Variants in TLN1 observed in about 807,000 individuals in gnomAD.
TLN1 encodes the protein talin-1.
A neutral mutation model predicts 292.3 loss-of-function variants in TLN1; 56 were observed. The ratio of observed to expected loss-of-function variants is 0.19; its 90% CI spans 0.15 to 0.24. TLN1 has a LOEUF of 0.24. Ranked by LOEUF, TLN1 falls within the 10% of genes least tolerant of loss-of-function variation. The pLI is 1.00. For missense variants in TLN1, 2,433 were observed against 3,248.2 expected (o/e 0.75, Z 6.10); for synonymous variants, 1,119 against 1,253.7 (o/e 0.89, Z 2.27).
At position 35,719,360 on chromosome 9, in the gene TLN1, C is replaced by A; in HGVS notation, c.1688-78G>T. The A allele has an allele frequency of 2.1e-6, 3 of 1,442,900 alleles. No individual in the cohort carries two copies. Among genetic ancestry groups the A allele is most frequent in the South Asian group, 1.2e-5 (1 of 83,850 alleles). 89.4% of individuals were successfully genotyped at this position (1,442,900 alleles called of 1,614,324 possible). A position where few individuals can be genotyped will look rare whatever the true frequency, so the allele number is the denominator to read the frequency against. ...GGGCTGGGGAGGGAGCAAAGTCACA[C>A]CCAGTTAGTCACACACATGTCCACA... On this transcript the variant is annotated intron_variant, in intron 15 of 56. Transcript: ENST00000314888. This position sits in a 1 kb window ranked among gnomAD's most constrained non-coding sequence, Gnocchi z 4.6.
At position 35,724,818 on chromosome 9, in the gene TLN1, A is replaced by G. The variant is rs1825940414; in HGVS notation, c.358+12T>C. On this transcript the variant is annotated intron_variant, in intron 4 of 56. Transcript: ENST00000314888. This position sits in a 1 kb window ranked among gnomAD's most constrained non-coding sequence, Gnocchi z 4.7. ...TCTGGCCCAGGCTTTCAACTGTACT[A>G]GGGCCCCTTACCAATGCGGGCACAG... 3 of 1,614,162 alleles carry G rather than the reference A, an allele frequency of 1.9e-6. No homozygotes were observed. The highest frequency in any genetic ancestry group is 3.3e-4 in the Middle Eastern group (2 of 6,062).
chr9:35,730,634 C>T (rs932308752), intron 1 of TLN1, among the ~76,000 whole-genome samples: 8 of 151,688 alleles, frequency 5.3e-5, no homozygotes, highest in Admixed American at 1.3e-4. Context: ...GTAGGATGTG[C>T]GGATTAAAGG....
chr9:35,698,178 CAG>C lies in TLN1; in HGVS notation c.7372-8_7372-7del. The C allele has an allele frequency of 6.2e-7, 1 of 1,613,848 alleles. No homozygotes were observed. Among genetic ancestry groups the C allele is most frequent in the East Asian group, 2.2e-5 (1 of 44,888 alleles). On this transcript the variant is annotated splice_region_variant and splice_polypyrimidine_tract_variant and intron_variant, in intron 55 of 56. Transcript: ENST00000314888. This position sits in a 1 kb window ranked among gnomAD's most constrained non-coding sequence, Gnocchi z 5.3. Reference sequence around the variant, plus strand: ...TTCACTGCGTTGCCAGCAGCCTGGGCAGAGAGAAAGTGGCCTAGGTTGAGAAC... The same window carrying C: ...TTCACTGCGTTGCCAGCAGCCTGGGCAGAGAAAGTGGCCTAGGTTGAGAAC...
chr9:35,706,126 G>A lies in TLN1; in HGVS notation c.5362-15C>T. The A allele has an allele frequency of 6.2e-7, 1 of 1,613,886 alleles. No homozygotes were observed. Among genetic ancestry groups the A allele is most frequent in the Non-Finnish European group, 8.5e-7 (1 of 1,179,898 alleles). Reference sequence around the variant, plus strand: ...TGAGCTGCTTGCTGTGGGGAGAGGAGAGGAGCTCTGTTGTTCCTGTTTCTC... The same window carrying A: ...TGAGCTGCTTGCTGTGGGGAGAGGAAAGGAGCTCTGTTGTTCCTGTTTCTC... On this transcript the variant is annotated splice_polypyrimidine_tract_variant and intron_variant, in intron 40 of 56. Transcript: ENST00000314888. This position sits in a 1 kb window ranked among gnomAD's most constrained non-coding sequence, Gnocchi z 4.2.
intron 33 of TLN1, among the ~76,000 whole-genome samples, chr9:35,709,567 G>A (rs1311707420): frequency 4.6e-5 from 7 of 152,330 alleles, no homozygotes; most frequent in African/African-American, 1.7e-4. Context: ...CAAGTAACTG[G>A]AAATTTTGTC....
chr9:35,717,738 G>C lies in TLN1; in HGVS notation c.2044C>G (p.Leu682Val). 6.2e-7 allele frequency: 1 copy of C among 1,612,030 alleles called. No individual in the cohort carries two copies. Among genetic ancestry groups the C allele is most frequent in the Non-Finnish European group, 8.5e-7 (1 of 1,178,468 alleles). ...AKAVASAAAA[L>V]VLKAKSVAQR... ...GCCACACTCTTGGCCTTGAGGACCA[G>C]GGCAGCTGCAGCACTTGCCACAGCT... The change falls in exon 18 of 57, where the codon CTG (leucine) becomes GTG (valine). Residue 682 changes from leucine (L) to valine (V), a missense_variant. Around this residue, in one of 7 missense-constraint regions of TLN1, gnomAD observed 617 missense variants for 770.6 expected, o/e 0.80. Transcript: ENST00000314888. The surrounding 1 kb of genome is among the most constrained non-coding windows in gnomAD (Gnocchi z 4.7).
rs765315589 is a variant in TLN1 at position 35,720,242 on chromosome 9, G to C, written c.1284-23C>G. ...GACCTGTAGAGGGGTGAACTATTGA[G>C]CTCACAGAGGACTCCTCATCTCTAC... On this transcript the variant is annotated intron_variant, in intron 12 of 56. Transcript: ENST00000314888. 1.3e-6 allele frequency: 2 copies of C among 1,558,030 alleles called. No individual in the cohort carries two copies.
Position 35,697,547 on chromosome 9 carries a change from C to T in TLN1, c.*244G>A, listed in dbSNP as rs1221047330. 1 of 557,858 alleles carries T rather than the reference C, an allele frequency of 1.8e-6. No homozygotes were observed. The highest frequency in any genetic ancestry group is 3.1e-6 in the Non-Finnish European group (1 of 319,226). 34.6% of individuals were successfully genotyped at this position (557,858 alleles called of 1,614,324 possible). A position where few individuals can be genotyped will look rare whatever the true frequency, so the allele number is the denominator to read the frequency against. Reference sequence around the variant, plus strand: ...TCGAGGTACAGCAGCGTTAATAATACTCTTGGAGCGTTAATACTCTGGGGA... The same window carrying T: ...TCGAGGTACAGCAGCGTTAATAATATTCTTGGAGCGTTAATACTCTGGGGA... On this transcript the variant is annotated 3_prime_UTR_variant, in exon 57 of 57. Coordinates refer to ENST00000314888, the MANE Select transcript of TLN1 (RefSeq NM_006289.4).
Position 35,699,307 on chromosome 9 carries a change from C to T in TLN1, c.6874+49G>A, listed in dbSNP as rs759541152. ...CTGTCCAGCCAGGAAGCAGAGATCACACCATGATAAGGGTTTTCCATCCGT... is the reference window on the plus strand; with the variant it reads ...CTGTCCAGCCAGGAAGCAGAGATCATACCATGATAAGGGTTTTCCATCCGT... On this transcript the variant is annotated intron_variant, in intron 51 of 56. Transcript: ENST00000314888. The surrounding 1 kb of genome is among the most constrained non-coding windows in gnomAD (Gnocchi z 4.0). 3 of 1,579,942 alleles carry T rather than the reference C, an allele frequency of 1.9e-6. No homozygotes were observed. The highest frequency in any genetic ancestry group is 2.7e-5 in the African/African-American group (2 of 74,322).
chr9:35,723,823 G>A lies in TLN1; in HGVS notation c.782+129C>T, dbSNP rs1051372502. ...TGATGGCAACTAAAAGGGTAGCTAT[G>A]TTGGTCAAACCCTGGTACCTCGGAA... On this transcript the variant is annotated intron_variant, in intron 7 of 56. Coordinates refer to ENST00000314888, the MANE Select transcript of TLN1 (RefSeq NM_006289.4). 1.1e-5 allele frequency: 15 copies of A among 1,407,118 alleles called. No individual in the cohort carries two copies. The Admixed American group carries it at 2.6e-4, about 25-fold the overall frequency. 87.2% of individuals were successfully genotyped at this position (1,407,118 alleles called of 1,614,324 possible).
intron 19 of TLN1, among the ~76,000 whole-genome samples, 163 bp downstream of exon 19, chr9:35,716,983 G>A (rs1386468035): frequency 6.6e-6 from 1 of 152,194 alleles, no homozygotes; most frequent in Non-Finnish European, 1.5e-5. Flanking sequence ...GGAAGCAGAG[G>A]GTTCAGAGAG....
chr9:35,706,412 C>T lies in TLN1; in HGVS notation c.5190+38G>A, dbSNP rs201023237. 17 of 1,613,700 alleles carry T rather than the reference C, an allele frequency of 1.1e-5. No individual in the cohort carries two copies. In the Admixed American group the frequency reaches 2.0e-4, roughly 19 times the overall value. ...AGGGGTCAGGTCCCCTCTCTCTCAC[C>T]CTACTCCCTGGGACTTCCCATGAGT... On this transcript the variant is annotated intron_variant, in intron 39 of 56. Transcript: ENST00000314888. This position sits in a 1 kb window ranked among gnomAD's most constrained non-coding sequence, Gnocchi z 4.2.
In TLN1 at chr9:35,700,044, C is replaced by T. The variant is rs544154004; in HGVS notation, c.6698G>A (p.Arg2233Gln). The T allele has an allele frequency of 2.0e-5, 33 of 1,613,302 alleles. No homozygotes were observed. The highest frequency in any genetic ancestry group is 1.0e-4 in the Admixed American group (6 of 59,938). ...AYHPEVAPDV[R>Q]LRALHYGREC... ...CCGGCCATAGTGCAGGGCTCGAAGCCGCACATCAGGGGCCACTTCTGGGTG... is the reference window on the plus strand; with the variant it reads ...CCGGCCATAGTGCAGGGCTCGAAGCTGCACATCAGGGGCCACTTCTGGGTG... Residue 2233 changes from arginine (R) to glutamine (Q), a missense_variant, in exon 50 of 57, where the codon CGG becomes CAG. Arg to Gln is a conservative substitution (Grantham distance 43). Coordinates refer to ENST00000314888, the MANE Select transcript of TLN1 (RefSeq NM_006289.4).
In TLN1 at chr9:35,697,723, C is replaced by T; in HGVS notation, c.*68G>A. 6.3e-7 allele frequency: 1 copy of T among 1,587,958 alleles called. No homozygotes were observed. Among genetic ancestry groups the T allele is most frequent in the Admixed American group, 1.7e-5 (1 of 58,182 alleles). On this transcript the variant is annotated 3_prime_UTR_variant, in exon 57 of 57. Transcript: ENST00000314888. Reference sequence around the variant, plus strand: ...GGTTGGGCAGGTTGGGCCCCGACAGCCCAGAAGGCTTTGGTAGTGGCACGC... The same window carrying T: ...GGTTGGGCAGGTTGGGCCCCGACAGTCCAGAAGGCTTTGGTAGTGGCACGC...
rs1825937805 is a variant in TLN1, at chr9:35,724,652, G to T, written c.431C>A (p.Thr144Asn). The T allele has an allele frequency of 6.2e-7, 1 of 1,614,028 alleles. No homozygotes were observed. Among genetic ancestry groups the T allele is most frequent in the East Asian group, 2.2e-5 (1 of 44,874 alleles). ...MEEKKEEITG[T>N]LRKDKTLLRD... The stretch of plus-strand genomic sequence containing the variant: ...CAGCAATGTCTTGTCCTTTCTTAAG[G>T]TCCCTGTTATTTCCTCCTTTTTCTC... Residue 144 changes from threonine to asparagine, a missense_variant, in exon 5 of 57, where the codon ACC (threonine) becomes AAC (asparagine). Transcript: ENST00000314888. The surrounding 1 kb of genome is among the most constrained non-coding windows in gnomAD (Gnocchi z 4.7).
Position 35,706,582 on chromosome 9 carries a change from G to C in TLN1, c.5089-31C>G, listed in dbSNP as rs1477814760. The C allele has an allele frequency of 6.2e-7, 1 of 1,609,344 alleles. No individual in the cohort carries two copies. Among genetic ancestry groups the C allele is most frequent in the South Asian group, 1.1e-5 (1 of 90,944 alleles). On this transcript the variant is annotated intron_variant, in intron 38 of 56. Coordinates refer to ENST00000314888, the MANE Select transcript of TLN1 (RefSeq NM_006289.4). This position sits in a 1 kb window ranked among gnomAD's most constrained non-coding sequence, Gnocchi z 4.2. The stretch of plus-strand genomic sequence containing the variant: ...GAGGAAGTGGACATTAGCCCTGATG[G>C]TGACCTGCAATAGGACCCTCTGGCT...
At position 35,714,931 on chromosome 9, in the gene TLN1, T is replaced by C; in HGVS notation, c.2755-55A>G. 1 of 1,604,084 alleles carries C rather than the reference T, an allele frequency of 6.2e-7. No homozygotes were observed. Among genetic ancestry groups the C allele is most frequent in the Non-Finnish European group, 8.5e-7 (1 of 1,174,550 alleles). ...CCATGGATTCCCATGCCCAGCCCAG[T>C]CCCTGGCCTACCTTGCCCAGGTTAT... On this transcript the variant is annotated intron_variant, in intron 21 of 56. Transcript: ENST00000314888. This position sits in a 1 kb window ranked among gnomAD's most constrained non-coding sequence, Gnocchi z 4.6.
In TLN1 at chr9:35,706,353, G is replaced by A. The variant is rs775801466; in HGVS notation, c.5204C>T (p.Ala1735Val). Residue 1735 changes from alanine (A) to valine (V), a missense_variant, in exon 40 of 57, where the codon GCG becomes GTG. Ala to Val is a moderately conservative substitution (Grantham distance 64, BLOSUM62 0). This residue lies in a region of TLN1 where 1,384 missense variants were observed against 1,699.6 expected (regional missense o/e 0.81). Coordinates refer to ENST00000314888, the MANE Select transcript of TLN1 (RefSeq NM_006289.4). This position sits in a 1 kb window ranked among gnomAD's most constrained non-coding sequence, Gnocchi z 4.2. ...CAGGGTGAGCGGCTCAAAGTACTGCGCCATCTGGGACACCTGAGGCAAGGG... is the reference window on the plus strand; with the variant it reads ...CAGGGTGAGCGGCTCAAAGTACTGCACCATCTGGGACACCTGAGGCAAGGG... The part of the protein sequence containing the change: ...SQLGHKVSQM[A>V]QYFEPLTLAA... 2.2e-5 allele frequency: 36 copies of A among 1,609,876 alleles called. No homozygotes were observed. The highest frequency in any genetic ancestry group is 3.0e-5 in the Non-Finnish European group (35 of 1,177,876).
Position 35,714,416 on chromosome 9 carries a change from T to C in TLN1, c.2986-43A>G. 6.3e-7 allele frequency: 1 copy of C among 1,584,350 alleles called. No homozygotes were observed. Reference sequence around the variant, plus strand: ...GGTGGATGAAGTGTGCCATCCTCCCTCTGGGCTTGGGTACAAGGACTGATG... The same window carrying C: ...GGTGGATGAAGTGTGCCATCCTCCCCCTGGGCTTGGGTACAAGGACTGATG... On this transcript the variant is annotated intron_variant, in intron 23 of 56. Coordinates refer to ENST00000314888, the MANE Select transcript of TLN1 (RefSeq NM_006289.4). The surrounding 1 kb of genome is among the most constrained non-coding windows in gnomAD (Gnocchi z 4.6).
Sources: allele counts gnomAD v4.1 joint callset (sites outside exome capture counted in the v4.1 genomes callset), GRCh38; gene constraint gnomAD v4.1.1; regional missense constraint gnomAD v4.1.1; non-coding constraint Gnocchi (gnomAD v3.1); transcripts MANE v1.5; gene names NCBI Gene and HGNC (gene_info 2026-07-23, HGNC 2026-07-21).